CCSER2: variants seen among roughly 807,000 people sequenced by gnomAD.
The protein encoded by CCSER2 is coiled-coil serine rich protein 2, also known as serine-rich coiled-coil domain-containing protein 2.
Under a neutral mutation model 92.3 loss-of-function variants are expected in CCSER2, and 46 were observed. The observed-to-expected ratio is 0.50, with a 90% CI of 0.39 to 0.64. CCSER2 has a LOEUF of 0.64. Among genes scored for constraint, CCSER2 ranks in the 30% least tolerant of loss-of-function variants. The probability of loss-of-function intolerance (pLI) is 0.00; values close to 1 mark genes in which losing one functional copy is unlikely to be tolerated. For synonymous variants in CCSER2, 433 were observed against 431.4 expected, an observed-to-expected ratio of 1.00 and a Z score of -0.04; for missense variants, 1,244 against 1,238.9, an observed-to-expected ratio of 1.00 and a Z score of -0.06.
intron 3 of CCSER2, among the ~76,000 whole-genome samples, chr10:84,392,942 C>G (rs1841608837): frequency 6.6e-6 from 1 of 152,058 alleles, no homozygotes; most frequent in African/African-American, 2.4e-5. Flanking sequence ...CTTTCTGGCT[C>G]ATAGTGGTTG....
chr10:84,409,903 A>T (rs1344915089), intron 3 of CCSER2, among the ~76,000 whole-genome samples: 1 of 152,064 alleles, frequency 6.6e-6, no homozygotes, highest in African/African-American at 2.4e-5. Context: ...TTCCTGATCC[A>T]ATCCCTCCTC....
At chr10:84,510,871 G>T (rs1188820108) in intron 9 of CCSER2, among the ~76,000 whole-genome samples, 1 of 152,122 alleles carries the variant, frequency 6.6e-6, no homozygotes, top group African/African-American at 2.4e-5. Flanking sequence ...TTGTTTCCTT[G>T]TTCCTCACAT....
At chr10:84,361,372 A>G (rs1455907182) in intron 1 of CCSER2, among the ~76,000 whole-genome samples, 1 of 152,200 alleles carries the variant, frequency 6.6e-6, no homozygotes, top group Admixed American at 6.5e-5. Context: ...TTACAATAAC[A>G]GCTTTCTGAT....
intron 5 of CCSER2, among the ~76,000 whole-genome samples, chr10:84,427,840 T>C (rs555062501): frequency 9.9e-5 from 15 of 152,192 alleles, no homozygotes; most frequent in Non-Finnish European, 8.8e-5. Flanking sequence ...CCAAATATAC[T>C]ACTTCCCCAG....
chr10:84,508,021 C>T (rs1408821277), intron 9 of CCSER2, among the ~76,000 whole-genome samples: 5 of 152,158 alleles, frequency 3.3e-5, no homozygotes, highest in African/African-American at 9.7e-5. Context: ...TCTGGTTATA[C>T]TGTATATTCT....
rs200900820 is a variant in CCSER2 at position 84,371,343 on chromosome 10, A to C, written c.291A>C (p.Lys97Asn). The part of the protein sequence containing the change: ...NSHDKIIDPE[K>N]RVPTQGMFDK... ...ATGATAAAATAATTGATCCTGAAAAACGTGTTCCTACTCAAGGAATGTTTG... is the reference window on the plus strand; with the variant it reads ...ATGATAAAATAATTGATCCTGAAAACCGTGTTCCTACTCAAGGAATGTTTG... Residue 97 changes from lysine (K) to asparagine (N), a missense_variant, in exon 2 of 10, where the codon AAA (lysine) becomes AAC (asparagine). Physicochemically the swap from Lys to Asn is moderately conservative, Grantham distance 94. Transcript: ENST00000372088. The C allele has an allele frequency of 6.2e-7, 1 of 1,613,720 alleles. No homozygotes were observed. Among genetic ancestry groups the C allele is most frequent in the African/African-American group, 1.3e-5 (1 of 75,008 alleles).
chr10:84,483,956 TATATATATA>T lies in CCSER2; in HGVS notation c.2325+6293_2325+6301del, dbSNP rs1847621260. 5.0e-4 allele frequency among the ~76,000 whole-genome samples: 45 copies of T among 89,150 alleles called. 1 individual carries two copies. Among genetic ancestry groups the T allele is most frequent in the African/African-American group, 2.4e-3 (34 of 14,052 alleles). 58.5% of individuals were successfully genotyped at this position (89,150 alleles called of 152,430 possible). A position where few individuals can be genotyped will look rare whatever the true frequency, so the allele number is the denominator to read the frequency against. ...CATCCCACCACACCCGGCTAATTTA[TATATATATA>T]TATATATATATATATATATATATAT... On this transcript the variant is annotated intron_variant, in intron 9 of 9. Coordinates refer to ENST00000372088, the MANE Select transcript of CCSER2 (RefSeq NM_001284240.2).
intron 8 of CCSER2, among the ~76,000 whole-genome samples, chr10:84,475,249 G>A (rs1407209254): frequency 1.3e-5 from 2 of 152,186 alleles, no homozygotes; most frequent in Non-Finnish European, 2.9e-5. Context: ...CTTGGGGTAA[G>A]AGATTAGGAC....
At chr10:84,357,286 A>G (rs1845227146) in intron 1 of CCSER2, among the ~76,000 whole-genome samples, 2 of 152,210 alleles carry the variant, frequency 1.3e-5, no homozygotes, top group African/African-American at 4.8e-5. Flanking sequence ...ACTCCCAACA[A>G]GTCAGGCATA....
intron 1 of CCSER2, among the ~76,000 whole-genome samples, chr10:84,342,254 G>C (rs1021081262): frequency 6.6e-6 from 1 of 152,140 alleles, no homozygotes; most frequent in African/African-American, 2.4e-5. Context: ...AGGAACCAGG[G>C]GCAGAGACCA....
chr10:84,449,101 G>A (rs1230581817), intron 6 of CCSER2, among the ~76,000 whole-genome samples: 7 of 152,198 alleles, frequency 4.6e-5, no homozygotes, highest in Non-Finnish European at 7.3e-5. Context: ...CAGGCCAGGC[G>A]CGGTGGCCCA....
chr10:84,516,048 A>G lies in CCSER2; in HGVS notation c.*1781A>G, dbSNP rs921739994. 1 of 152,232 alleles carries G rather than the reference A, an allele frequency of 6.6e-6. No individual in the cohort carries two copies. Among genetic ancestry groups the G allele is most frequent in the Non-Finnish European group, 1.5e-5 (1 of 68,040 alleles). The allele number at this position is 152,232 out of a possible 1,614,324, so 9.4% of individuals were successfully genotyped here. ...TGAGCAGCTGACCAAAAATATATCA[A>G]ACAGGATTATGGCCAAAAAGTCACT... On this transcript the variant is annotated 3_prime_UTR_variant, in exon 10 of 10. Coordinates refer to ENST00000372088, the MANE Select transcript of CCSER2 (RefSeq NM_001284240.2).
At chr10:84,423,982 T>TAAA (rs3044102) in intron 4 of CCSER2, among the ~76,000 whole-genome samples, 4,212 of 108,062 alleles carry the variant, frequency 0.039, 96 homozygotes, top group Middle Eastern at 0.069. Context: ...CCCCATCTCT[T>TAAA]AAAAAAAAAA....
At chr10:84,391,222 A>G (rs1841500208) in intron 3 of CCSER2, 7 of 1,139,676 alleles carry the variant, frequency 6.1e-6, no homozygotes, top group East Asian at 2.3e-5. Flanking sequence ...GTAAGAGACA[A>G]TGAGGAAAAC....
At chr10:84,499,188 T>A (rs1018539858) in intron 9 of CCSER2, among the ~76,000 whole-genome samples, 1 of 152,170 alleles carries the variant, frequency 6.6e-6, no homozygotes. Flanking sequence ...CAGGCTGGAA[T>A]GCAGTGGCGT....
At chr10:84,380,997 G>A (rs1288016594) in intron 3 of CCSER2, among the ~76,000 whole-genome samples, 1 of 152,166 alleles carries the variant, frequency 6.6e-6, no homozygotes, top group Non-Finnish European at 1.5e-5. Flanking sequence ...ACCATGCCCA[G>A]CCTCTCTGTG....
chr10:84,387,063 C>T (rs1182113081), intron 3 of CCSER2, among the ~76,000 whole-genome samples: 4 of 152,120 alleles, frequency 2.6e-5, no homozygotes, highest in Non-Finnish European at 5.9e-5. Flanking sequence ...AGTAAACTTA[C>T]ACATCATGAA....
chr10:84,490,587 C>G (rs556642356), intron 9 of CCSER2, among the ~76,000 whole-genome samples: 1 of 152,284 alleles, frequency 6.6e-6, no homozygotes, highest in South Asian at 2.1e-4. Context: ...GTTTTCAGCT[C>G]CATCAGGTCA....
At chr10:84,498,000 C>T (rs1848539443) in intron 9 of CCSER2, among the ~76,000 whole-genome samples, 1 of 152,150 alleles carries the variant, frequency 6.6e-6, no homozygotes, top group Non-Finnish European at 1.5e-5. Flanking sequence ...GTAATTTTCT[C>T]AAGGTTACAA....
Sources: allele counts gnomAD v4.1 joint callset (sites outside exome capture counted in the v4.1 genomes callset), GRCh38; gene constraint gnomAD v4.1.1; transcripts MANE v1.5; gene names NCBI Gene and HGNC (gene_info 2026-07-23, HGNC 2026-07-21).